Variants in LY6E observed in about 807,000 individuals in gnomAD.
The protein encoded by LY6E is lymphocyte antigen 6E.
In LY6E, 4 loss-of-function variants were observed where a neutral mutation model predicts 7.7. The observed-to-expected ratio is 0.52, with a 90% CI of 0.25 to 1.18. LY6E has a LOEUF of 1.18. Among genes scored for constraint, LY6E ranks in the 50% most tolerant of loss-of-function variants. LY6E has a pLI of 0.14. For missense variants in LY6E, 156 were observed against 168.0 expected, an observed-to-expected ratio of 0.93 and a Z score of 0.40; for synonymous variants, 81 against 80.1, an observed-to-expected ratio of 1.01 and a Z score of -0.06.
intron 1 of LY6E, 77 bp from the exon 2 acceptor site, chr8:143,020,806 C>T (rs1278613439): frequency 1.3e-5 from 10 of 752,564 alleles, no homozygotes; most frequent in East Asian, 5.2e-5. Context: ...TCTGTGTCCT[C>T]ATCTGCAAAG....
In LY6E at chr8:143,020,996, G is replaced by C; in HGVS notation, c.52+5G>C. The C allele has an allele frequency of 6.3e-7, 1 of 1,580,916 alleles. No homozygotes were observed. The highest frequency in any genetic ancestry group is 8.6e-7 in the Non-Finnish European group (1 of 1,163,990). On this transcript the variant is annotated splice_donor_5th_base_variant and intron_variant, in intron 2 of 3. Transcript: ENST00000292494. ...CCCTTCTGGGTGTGGAGCGAGGTGA[G>C]GTGCCCTTGGGGACCCCAGACCTTT... is the stretch of plus-strand genomic sequence containing the variant.
At position 143,021,643 on chromosome 8, in the gene LY6E, G is replaced by A; in HGVS notation, c.250G>A (p.Gly84Ser). 2 of 1,613,960 alleles carry A rather than the reference G, an allele frequency of 1.2e-6. No homozygotes were observed. The highest frequency in any genetic ancestry group is 1.7e-6 in the Non-Finnish European group (2 of 1,180,028). Residue 84 changes from glycine to serine, a missense_variant, in exon 4 of 4, where the codon GGT (glycine) becomes AGT (serine). Physicochemically the swap from Gly to Ser is moderately conservative, Grantham distance 56 (BLOSUM62 0). Transcript: ENST00000292494. The part of the protein sequence containing the change: ...ACPIPEGVNV[G>S]VASMGISCCQ... Reference sequence around the variant, plus strand: ...CCCCATCCCAGAAGGCGTCAATGTTGGTGTGGCTTCCATGGGCATCAGCTG... The same window carrying A: ...CCCCATCCCAGAAGGCGTCAATGTTAGTGTGGCTTCCATGGGCATCAGCTG...
Position 143,021,805 on chromosome 8 carries a change from C to T in LY6E, c.*16C>T, listed in dbSNP as rs773506979. 6.3e-7 allele frequency: 1 copy of T among 1,577,664 alleles called. No homozygotes were observed. The highest frequency in any genetic ancestry group is 2.2e-5 in the East Asian group (1 of 44,626). Reference sequence around the variant, plus strand: ...TGGCCCCTGACCGCCCAGACCCTGTCCCCCGATCCCCCAGCTCAGGAAGGA... The same window carrying T: ...TGGCCCCTGACCGCCCAGACCCTGTTCCCCGATCCCCCAGCTCAGGAAGGA... On this transcript the variant is annotated 3_prime_UTR_variant, in exon 4 of 4. Transcript: ENST00000292494.
At position 143,022,119 on chromosome 8, in the gene LY6E, A is replaced by G; in HGVS notation, c.*330A>G. On this transcript the variant is annotated 3_prime_UTR_variant, in exon 4 of 4. Coordinates refer to ENST00000292494, the MANE Select transcript of LY6E (RefSeq NM_002346.3). ...CCCCAGGGAGACCGTGTCAGTAGGG[A>G]TGTGTGCCTGGCTGTGTACGTGGGT... 4.3e-6 allele frequency: 2 copies of G among 467,268 alleles called. No individual in the cohort carries two copies. Among genetic ancestry groups the G allele is most frequent in the Non-Finnish European group, 7.6e-6 (2 of 262,302 alleles). The allele number at this position is 467,268 out of a possible 1,614,324, so 28.9% of individuals were successfully genotyped here.
At chr8:143,021,088 T>C (rs1819208477) in intron 2 of LY6E, 97 bp downstream of exon 2, 2 of 1,389,838 alleles carry the variant, frequency 1.4e-6, no homozygotes, top group East Asian at 4.7e-5. Context: ...CAGGGGTCCT[T>C]CCAGGCCGCT....
intron 2 of LY6E, 74 bp downstream of exon 2, chr8:143,021,065 T>C: frequency 6.5e-7 from 1 of 1,542,340 alleles, no homozygotes; most frequent in Non-Finnish European, 8.9e-7. Context: ...CCCTCTCCCC[T>C]GAGCAGACGC....
In LY6E at chr8:143,022,065, A is replaced by G; in HGVS notation, c.*276A>G. 1 of 551,460 alleles carries G rather than the reference A, an allele frequency of 1.8e-6. No homozygotes were observed. 34.2% of individuals were successfully genotyped at this position (551,460 alleles called of 1,614,324 possible). A position where few individuals can be genotyped will look rare whatever the true frequency, so the allele number is the denominator to read the frequency against. Reference sequence around the variant, plus strand: ...TGGAGTCTTACGGTCCAACATCAGGACCAAGTCCCATGGACATGCTGACAG... The same window carrying G: ...TGGAGTCTTACGGTCCAACATCAGGGCCAAGTCCCATGGACATGCTGACAG... On this transcript the variant is annotated 3_prime_UTR_variant, in exon 4 of 4. Transcript: ENST00000292494.
chr8:143,019,606 A>T (rs1819166375), intron 1 of LY6E, among the ~76,000 whole-genome samples: 1 of 152,128 alleles, frequency 6.6e-6, no homozygotes, highest in African/African-American at 2.4e-5. Context: ...CGGACTTGGC[A>T]CTGTTTTTGG....
intron 1 of LY6E, among the ~76,000 whole-genome samples, chr8:143,019,514 T>C (rs1034025373): frequency 6.6e-5 from 10 of 152,202 alleles, no homozygotes; most frequent in African/African-American, 2.4e-4. Context: ...CACCAGAACC[T>C]CACTTTAGGG....
intron 2 of LY6E, 46 bp downstream of exon 2, chr8:143,021,037 GCTCCACTCCCT>G: frequency 6.3e-7 from 1 of 1,599,394 alleles, no homozygotes; most frequent in Non-Finnish European, 8.6e-7. Context: ...GCTGTGCCCT[GCTCCACTCCCT>G]CTCCACCCCT....
In LY6E at chr8:143,021,249, A is replaced by G. The variant is rs1819211784; in HGVS notation, c.53-65A>G. ...TACAGTAATTTCTCAGTAAATGTCC[A>G]CTGGGGTCAGGCCTGGGAGGGACAC... is the stretch of plus-strand genomic sequence containing the variant. On this transcript the variant is annotated intron_variant, in intron 2 of 3. Transcript: ENST00000292494. 5 of 1,578,446 alleles carry G rather than the reference A, an allele frequency of 3.2e-6. No homozygotes were observed. In the South Asian group the frequency reaches 5.8e-5, roughly 18 times the overall value.
chr8:143,019,419 CAGTG>C (rs955882392), intron 1 of LY6E, among the ~76,000 whole-genome samples: 7 of 152,256 alleles, frequency 4.6e-5, no homozygotes, highest in African/African-American at 1.7e-4. Context: ...GGGTGCCACC[CAGTG>C]AGCAGGTGGC....
intron 1 of LY6E, 66 bp from the exon 2 acceptor site, chr8:143,020,817 T>TG: frequency 1.2e-6 from 1 of 816,082 alleles, no homozygotes; most frequent in South Asian, 1.6e-5. Flanking sequence ...ATCTGCAAAG[T>TG]GGGGGTGCAT....
chr8:143,020,955 C>T lies in LY6E; in HGVS notation c.16C>T (p.Pro6Ser), dbSNP rs1406255820. Residue 6 changes from proline (P) to serine (S), a missense_variant, in exon 2 of 4, where the codon CCA becomes TCA. Transcript: ENST00000292494. The part of the protein sequence containing the change: MKIFL[P>S]VLLAALLGVE... Reference sequence around the variant, plus strand: ...CCTCTCCAGAATGAAGATCTTCTTGCCAGTGCTGCTGGCTGCCCTTCTGGG... The same window carrying T: ...CCTCTCCAGAATGAAGATCTTCTTGTCAGTGCTGCTGGCTGCCCTTCTGGG... 3 of 1,613,984 alleles carry T rather than the reference C, an allele frequency of 1.9e-6. No homozygotes were observed. The Admixed American group carries it at 5.0e-5, about 27-fold the overall frequency.
chr8:143,021,428 G>A lies in LY6E; in HGVS notation c.167G>A (p.Gly56Asp). ...TGCGTGACTGTGTCTGCTAGTGCCG[G>A]CATTGGTGAGTGCCAGGCCTCAGAC... ...NYCVTVSASA[G>D]IGNLVTFGHS... Residue 56 changes from glycine to aspartate, a missense_variant, in exon 3 of 4, where the codon GGC (glycine) becomes GAC (aspartate). Physicochemically the swap from Gly to Asp is moderately conservative, Grantham distance 94 (BLOSUM62 -1). Coordinates refer to ENST00000292494, the MANE Select transcript of LY6E (RefSeq NM_002346.3). The A allele has an allele frequency of 1.2e-6, 2 of 1,613,930 alleles. No homozygotes were observed. The highest frequency in any genetic ancestry group is 1.7e-6 in the Non-Finnish European group (2 of 1,180,038).
At chr8:143,021,208 A>C in intron 2 of LY6E, 106 bp from the exon 3 acceptor site, 1 of 1,488,234 alleles carries the variant, frequency 6.7e-7, no homozygotes, top group Non-Finnish European at 9.1e-7. Flanking sequence ...CTCTGCCTTC[A>C]GCCCAGGGCC....
intron 2 of LY6E, 84 bp from the exon 3 acceptor site, chr8:143,021,230 A>C (rs919787320): frequency 1.7e-5 from 26 of 1,548,248 alleles, no homozygotes; most frequent in Middle Eastern, 3.4e-4. Context: ...GGTATACAGT[A>C]ATTTCTCAGT....
intron 1 of LY6E, among the ~76,000 whole-genome samples, chr8:143,019,876 G>C (rs529246164): frequency 2.0e-5 from 3 of 152,348 alleles, no homozygotes; most frequent in African/African-American, 7.2e-5. Context: ...CACGACCCCA[G>C]CTGGGTGTGT....
Position 143,021,764 on chromosome 8 carries a change from C to G in LY6E, c.371C>G (p.Pro124Arg), listed in dbSNP as rs371395394. 1.9e-6 allele frequency: 3 copies of G among 1,608,380 alleles called. No individual in the cohort carries two copies. Among genetic ancestry groups the G allele is most frequent in the Non-Finnish European group, 2.5e-6 (3 of 1,178,430 alleles). The change falls in exon 4 of 4, where the codon CCG becomes CGG. Residue 124 changes from proline (P) to arginine (R), a missense_variant. Coordinates refer to ENST00000292494, the MANE Select transcript of LY6E (RefSeq NM_002346.3). ...GCCGGGCTGCTGCTGAGCCTGCTGCCGGCCCTGCTGCGGTTTGGCCCCTGA... is the reference window on the plus strand; with the variant it reads ...GCCGGGCTGCTGCTGAGCCTGCTGCGGGCCCTGCTGCGGTTTGGCCCCTGA... ...LGAGLLLSLL[P>R]ALLRFGP
Sources: allele counts gnomAD v4.1 joint callset (sites outside exome capture counted in the v4.1 genomes callset), GRCh38; gene constraint gnomAD v4.1.1; transcripts MANE v1.5; gene names NCBI Gene and HGNC (gene_info 2026-07-23, HGNC 2026-07-21).